TSHR: variants seen among roughly 807,000 people sequenced by gnomAD.
TSHR encodes the protein thyrotropin receptor.
A neutral mutation model predicts 64.1 loss-of-function variants in TSHR; 51 were observed. The ratio of observed to expected loss-of-function variants is 0.80; its 90% CI spans 0.64 to 1.01. The LOEUF is 1.01. Ranked by LOEUF, TSHR falls within the 50% of genes least tolerant of loss-of-function variation. The pLI is 0.00. For missense variants in TSHR, 877 were observed against 942.8 expected (o/e 0.93, Z 0.91); for synonymous variants, 361 against 361.9 (o/e 1.00, Z 0.03).
intron 1 of TSHR, among the ~76,000 whole-genome samples, chr14:81,049,035 G>GT (rs1885307202): frequency 6.6e-6 from 1 of 152,072 alleles, no homozygotes; most frequent in African/African-American, 2.4e-5. Flanking sequence ...GATAAAATTG[G>GT]TTTTGTTATA....
intron 2 of TSHR, among the ~76,000 whole-genome samples, chr14:81,067,483 T>TTATATATTTA (rs1555376192): frequency 7.4e-6 from 1 of 134,976 alleles, no homozygotes; most frequent in African/African-American, 2.9e-5. Context: ...GTTTATAGTT[T>TTATATATTTA]TATATATATA....
Position 81,103,274 on chromosome 14 carries a change from C to T in TSHR, c.615-5101C>T, listed in dbSNP as rs914856408. The T allele has an allele frequency of 5.1e-6, 5 of 985,272 alleles. No homozygotes were observed. The African/African-American group carries it at 8.7e-5, about 17-fold the overall frequency. The allele number at this position is 985,272 out of a possible 1,614,324, so 61.0% of individuals were successfully genotyped here. On this transcript the variant is annotated intron_variant, in intron 7 of 9. Coordinates refer to ENST00000298171, the MANE Select transcript of TSHR (RefSeq NM_000369.5). The surrounding 1 kb of genome is among the most constrained non-coding windows in gnomAD (Gnocchi z 4.1). ...AGATTTTAAACTAAGGCAAACACAT[C>T]AATCTCCTGTAATTATCTTAATAGT...
chr14:81,133,788 A>G (rs1286183558), intron 8 of TSHR, among the ~76,000 whole-genome samples: 1 of 152,188 alleles, frequency 6.6e-6, no homozygotes, highest in African/African-American at 2.4e-5. Flanking sequence ...ATGGCGGGGA[A>G]ATGAGCCTGG....
intron 1 of TSHR, among the ~76,000 whole-genome samples, chr14:81,054,199 T>C (rs1287773267): frequency 6.6e-6 from 1 of 152,186 alleles, no homozygotes; most frequent in Non-Finnish European, 1.5e-5. Flanking sequence ...AAACAGGAGT[T>C]TCCCTTCACA....
Position 81,103,389 on chromosome 14 carries a change from T to A in TSHR, c.615-4986T>A. ...ATTAGGTTCTCATTTAAACAATGTG[T>A]CATCCAAAAGAGCAATCATCCCCTA... is the stretch of plus-strand genomic sequence containing the variant. On this transcript the variant is annotated intron_variant, in intron 7 of 9. Transcript: ENST00000298171. The surrounding 1 kb of genome is among the most constrained non-coding windows in gnomAD (Gnocchi z 4.1). 1.0e-6 allele frequency: 1 copy of A among 985,466 alleles called. No individual in the cohort carries two copies. The highest frequency in any genetic ancestry group is 1.2e-6 in the Non-Finnish European group (1 of 829,928). The allele number at this position is 985,466 out of a possible 1,614,324, so 61.0% of individuals were successfully genotyped here. A position where few individuals can be genotyped will look rare whatever the true frequency, so the allele number is the denominator to read the frequency against.
intron 1 of TSHR, among the ~76,000 whole-genome samples, chr14:80,977,439 C>A (rs1887938261): frequency 6.6e-6 from 1 of 152,166 alleles, no homozygotes; most frequent in Non-Finnish European, 1.5e-5. Flanking sequence ...GAGCTCAGCT[C>A]ACAAGGGGCA....
chr14:80,983,092 T>C (rs1278225648), intron 1 of TSHR: 2 of 645,604 alleles, frequency 3.1e-6, no homozygotes, highest in East Asian at 2.6e-5. Context: ...ATGATGCTTA[T>C]TGAAAGCTTG....
intron 1 of TSHR, among the ~76,000 whole-genome samples, chr14:81,004,743 AGCCT>A (rs112271584): frequency 0.1 from 15,903 of 152,222 alleles, 1,005 homozygotes; most frequent in South Asian, 0.21. Context: ...CTGTCACAAT[AGCCT>A]GCCTGCCCCT....
At chr14:81,073,640 AAT>A (rs1384621641) in intron 3 of TSHR, among the ~76,000 whole-genome samples, 1 of 152,204 alleles carries the variant, frequency 6.6e-6, no homozygotes, top group African/African-American at 2.4e-5. Flanking sequence ...TGATAATAAA[AAT>A]ATGACATATC....
chr14:81,028,529 G>A (rs1316681548), intron 1 of TSHR, among the ~76,000 whole-genome samples: 2 of 152,028 alleles, frequency 1.3e-5, no homozygotes, highest in African/African-American at 4.8e-5. Flanking sequence ...CTAGTAGTAA[G>A]GGGTAGCTGG....
At chr14:81,017,101 T>TGACC (rs1883452003) in intron 1 of TSHR, among the ~76,000 whole-genome samples, 1 of 152,172 alleles carries the variant, frequency 6.6e-6, no homozygotes, top group South Asian at 2.1e-4. Context: ...TTTTTGCATT[T>TGACC]TTGCAATCAG....
At chr14:81,087,434 CA>C (rs981355838) in intron 3 of TSHR, 2 of 179,236 alleles carry the variant, frequency 1.1e-5, no homozygotes, top group African/African-American at 4.8e-5. Flanking sequence ...GCTGACATGA[CA>C]AAATAAACCC....
At chr14:81,096,923 G>GGTGC (rs1555381338) in intron 7 of TSHR, among the ~76,000 whole-genome samples, 1 of 148,410 alleles carries the variant, frequency 6.7e-6, no homozygotes, top group Non-Finnish European at 1.5e-5. Flanking sequence ...TTTTCTCCCT[G>GGTGC]GTGTGTGTGT....
chr14:81,017,994 C>T (rs941186967), intron 1 of TSHR, among the ~76,000 whole-genome samples: 1 of 151,928 alleles, frequency 6.6e-6, no homozygotes, highest in Non-Finnish European at 1.5e-5. Context: ...CACACCTGGC[C>T]AATTTTTTGT....
At chr14:81,101,858 G>A (rs945282332) in intron 7 of TSHR, among the ~76,000 whole-genome samples, 4 of 152,078 alleles carry the variant, frequency 2.6e-5, no homozygotes, top group Non-Finnish European at 4.4e-5. Flanking sequence ...GCCCTGGCCT[G>A]GAAAGGATTT....
intron 8 of TSHR, among the ~76,000 whole-genome samples, chr14:81,120,899 G>A (rs72691609): frequency 0.14 from 20,616 of 151,850 alleles, 1,758 homozygotes; most frequent in East Asian, 0.3. Flanking sequence ...CAATAAAAGA[G>A]CTTTTGAAAA....
chr14:81,008,389 G>A (rs1000796637), intron 1 of TSHR, among the ~76,000 whole-genome samples: 13 of 152,014 alleles, frequency 8.6e-5, no homozygotes, highest in Admixed American at 2.0e-4. Context: ...AGCCAGGATG[G>A]TCTCCATCTC....
chr14:81,117,208 C>A (rs1317961680), intron 8 of TSHR, among the ~76,000 whole-genome samples: 2 of 105,616 alleles, frequency 1.9e-5, no homozygotes, highest in South Asian at 3.6e-4. Flanking sequence ...GAAATAGAGA[C>A]ACAAAAAACC....
At chr14:81,041,615 C>T (rs1156235441) in intron 1 of TSHR, among the ~76,000 whole-genome samples, 8 of 152,068 alleles carry the variant, frequency 5.3e-5, no homozygotes, top group Non-Finnish European at 1.0e-4. Flanking sequence ...CAACAAACCC[C>T]CAGGACACAA....
Sources: allele counts gnomAD v4.1 joint callset (sites outside exome capture counted in the v4.1 genomes callset), GRCh38; gene constraint gnomAD v4.1.1; non-coding constraint Gnocchi (gnomAD v3.1); transcripts MANE v1.5; gene names NCBI Gene and HGNC (gene_info 2026-07-23, HGNC 2026-07-21).